RTN1: variants seen among roughly 807,000 people sequenced by gnomAD.
The protein encoded by RTN1 is reticulon-1.
RTN1 carries 25 observed loss-of-function variants against 65.5 expected under a neutral mutation model. The ratio of observed to expected loss-of-function variants is 0.38; its 90% CI spans 0.28 to 0.53. RTN1 has a LOEUF of 0.53. Among genes scored for constraint, RTN1 ranks in the 20% least tolerant of loss-of-function variants. RTN1 has a pLI of 0.79. For synonymous variants in RTN1, 471 were observed against 447.6 expected (o/e 1.05, Z -0.66); for missense variants, 983 against 1,025.4 (o/e 0.96, Z 0.57).
At chr14:59,628,059 G>C (rs886457264) in intron 3 of RTN1, among the ~76,000 whole-genome samples, 4 of 151,940 alleles carry the variant, frequency 2.6e-5, no homozygotes, top group African/African-American at 4.8e-5. Flanking sequence ...ACCATGCCGG[G>C]CATGGTGACT....
intron 3 of RTN1, among the ~76,000 whole-genome samples, chr14:59,671,182 C>T (rs1883495423): frequency 6.6e-6 from 1 of 152,056 alleles, no homozygotes; most frequent in Admixed American, 6.6e-5. Flanking sequence ...ATCAAAAAGT[C>T]ATACTTGTGG....
intron 3 of RTN1, among the ~76,000 whole-genome samples, chr14:59,719,782 T>G (rs933104879): frequency 3.9e-5 from 6 of 152,216 alleles, no homozygotes; most frequent in African/African-American, 1.4e-4. Flanking sequence ...TGACCTCATG[T>G]TGCCTCTGAG....
At chr14:59,869,582 G>A (rs1049688638) in intron 1 of RTN1, among the ~76,000 whole-genome samples, 1 of 110,202 alleles carries the variant, frequency 9.1e-6, no homozygotes, top group African/African-American at 4.6e-5. Context: ...TCCGGGGTGG[G>A]GGGGGGGGGG....
At chr14:59,857,467 A>G (rs1382105275) in intron 1 of RTN1, among the ~76,000 whole-genome samples, 1 of 152,162 alleles carries the variant, frequency 6.6e-6, no homozygotes, top group Non-Finnish European at 1.5e-5. Flanking sequence ...CCTCTATAGC[A>G]TAACATTCTC....
At chr14:59,764,351 G>A (rs562137801) in intron 1 of RTN1, among the ~76,000 whole-genome samples, 10 of 149,966 alleles carry the variant, frequency 6.7e-5, no homozygotes, top group African/African-American at 1.2e-4. Context: ...ATGGAGTTTC[G>A]CTCTTGTTGT....
chr14:59,641,636 G>T (rs546507916), intron 3 of RTN1, among the ~76,000 whole-genome samples: 11 of 152,306 alleles, frequency 7.2e-5, no homozygotes, highest in Admixed American at 3.9e-4. Context: ...CTCCCAAAGT[G>T]CTGGGATTAC....
At chr14:59,831,891 T>A (rs1228215648) in intron 1 of RTN1, among the ~76,000 whole-genome samples, 1 of 152,086 alleles carries the variant, frequency 6.6e-6, no homozygotes, top group Non-Finnish European at 1.5e-5. Context: ...CAAGGCAGCT[T>A]GAGGCAACAT....
At chr14:59,799,027 G>A (rs1377652020) in intron 1 of RTN1, among the ~76,000 whole-genome samples, 2 of 152,148 alleles carry the variant, frequency 1.3e-5, no homozygotes, top group Admixed American at 6.5e-5. Flanking sequence ...TTTTCTAAAA[G>A]TGTATTAATT....
rs771140547 is a variant in RTN1 at position 59,846,145 on chromosome 14, A to G, written c.241+24245T>C. Among the ~76,000 whole-genome samples the G allele has an allele frequency of 1.2e-4, 19 of 152,200 alleles. No homozygotes were observed. The highest frequency in any genetic ancestry group is 2.9e-5 in the Non-Finnish European group (2 of 68,028). On this transcript the variant is annotated intron_variant, in intron 1 of 8. Transcript: ENST00000267484. The surrounding 1 kb of genome is among the most constrained non-coding windows in gnomAD (Gnocchi z 4.8). Reference sequence around the variant, plus strand: ...CAGGTAGGAATTGAAGACAAGGTCAACAATGTTACAGAATGAGGATGATGC... The same window carrying G: ...CAGGTAGGAATTGAAGACAAGGTCAGCAATGTTACAGAATGAGGATGATGC...
chr14:59,809,206 T>G (rs927912430), intron 1 of RTN1, among the ~76,000 whole-genome samples: 2 of 152,090 alleles, frequency 1.3e-5, no homozygotes, highest in African/African-American at 4.8e-5. Context: ...TGATAACAAC[T>G]CTAGCTTTGA....
At chr14:59,736,655 G>T (rs1291633478) in intron 2 of RTN1, among the ~76,000 whole-genome samples, 1 of 152,032 alleles carries the variant, frequency 6.6e-6, no homozygotes, top group Non-Finnish European at 1.5e-5. Context: ...GAAAAGGAGG[G>T]ACTCCTCCCT....
chr14:59,792,692 C>T (rs1886370518), intron 1 of RTN1, among the ~76,000 whole-genome samples: 1 of 152,034 alleles, frequency 6.6e-6, no homozygotes, highest in Admixed American at 6.6e-5. Context: ...GTACTTTAAC[C>T]CGGTCACACT....
chr14:59,686,233 A>T (rs1041648524), intron 3 of RTN1, among the ~76,000 whole-genome samples: 2 of 152,214 alleles, frequency 1.3e-5, no homozygotes, highest in Non-Finnish European at 2.9e-5. Context: ...AAATTTAGGG[A>T]GAAAGCTCTG....
At chr14:59,668,737 G>T (rs1279506553) in intron 3 of RTN1, among the ~76,000 whole-genome samples, 2 of 152,030 alleles carry the variant, frequency 1.3e-5, no homozygotes, top group South Asian at 2.1e-4. Flanking sequence ...AATCTACAAA[G>T]AATTCAAACA....
At chr14:59,815,612 C>T (rs965062079) in intron 1 of RTN1, among the ~76,000 whole-genome samples, 4 of 152,220 alleles carry the variant, frequency 2.6e-5, no homozygotes, top group African/African-American at 9.7e-5. Flanking sequence ...GAGCCAGGCA[C>T]TTCTGCAGAA....
chr14:59,773,546 GC>G (rs1885996749), intron 1 of RTN1, among the ~76,000 whole-genome samples: 1 of 152,020 alleles, frequency 6.6e-6, no homozygotes, highest in Non-Finnish European at 1.5e-5. Context: ...TTTCCATTAA[GC>G]CTTTAAGTAT....
chr14:59,867,719 C>T (rs1418934583), intron 1 of RTN1, among the ~76,000 whole-genome samples: 1 of 152,116 alleles, frequency 6.6e-6, no homozygotes, highest in Non-Finnish European at 1.5e-5. Context: ...ATTAAAACAT[C>T]AATATCTGTC....
intron 1 of RTN1, among the ~76,000 whole-genome samples, chr14:59,838,625 A>G (rs551518811): frequency 6.6e-6 from 1 of 152,332 alleles, no homozygotes; most frequent in Admixed American, 6.5e-5. Context: ...CAGTACACAG[A>G]AGATGATCCC....
At chr14:59,721,684 G>A (rs1010333570) in intron 3 of RTN1, among the ~76,000 whole-genome samples, 3 of 152,132 alleles carry the variant, frequency 2.0e-5, no homozygotes, top group Admixed American at 6.6e-5. Context: ...GTACTTTAGG[G>A]TTCCAAAAAG....
Sources: allele counts gnomAD v4.1 joint callset (sites outside exome capture counted in the v4.1 genomes callset), GRCh38; gene constraint gnomAD v4.1.1; non-coding constraint Gnocchi (gnomAD v3.1); transcripts MANE v1.5; gene names NCBI Gene and HGNC (gene_info 2026-07-23, HGNC 2026-07-21).